The following CYREN variants were observed in gnomAD, a reference collection of about 807,000 sequenced individuals.
CYREN encodes cell cycle regulator of non-homologous end joining.
In CYREN, 7 loss-of-function variants were observed where a neutral mutation model predicts 9.7. The ratio of observed to expected loss-of-function variants is 0.72; its 90% CI spans 0.41 to 1.36. The LOEUF (loss-of-function observed/expected upper bound fraction) is 1.36. Among genes scored for constraint, CYREN ranks in the 40% most tolerant of loss-of-function variants. CYREN has a pLI of 0.01. For missense variants in CYREN, 215 were observed against 198.1 expected (o/e 1.09, Z -0.51); for synonymous variants, 76 against 77.9 (o/e 0.98, Z 0.13).
chr7:135,130,627 T>A (rs1828606847), intron 2 of CYREN, among the ~76,000 whole-genome samples: 1 of 151,922 alleles, frequency 6.6e-6, no homozygotes, highest in African/African-American at 2.4e-5. Context: ...TATAATCATA[T>A]TATTCATATA....
intron 2 of CYREN, chr7:135,152,908 C>T (rs1829698497): frequency 6.6e-6 from 1 of 152,086 alleles, no homozygotes; most frequent in Non-Finnish European, 1.5e-5. Context: ...TGGTGGTGCC[C>T]GATGGGGAAG....
At chr7:135,122,185 G>A (rs1827232086) in intron 2 of CYREN, among the ~76,000 whole-genome samples, 1 of 152,184 alleles carries the variant, frequency 6.6e-6, no homozygotes, top group Non-Finnish European at 1.5e-5. Context: ...TCCAGGCTGT[G>A]CTTTTCCTCT....
chr7:135,123,306 C>T (rs564908439), intron 2 of CYREN, among the ~76,000 whole-genome samples: 1 of 152,142 alleles, frequency 6.6e-6, no homozygotes, highest in South Asian at 2.1e-4. Context: ...AGTTTGAAGA[C>T]AACCTTGCTG....
chr7:135,164,966 T>A, downstream of CYREN: 1 of 1,604,118 alleles, frequency 6.2e-7, no homozygotes, highest in Non-Finnish European at 8.5e-7. Flanking sequence ...CTCTGAGGGC[T>A]GAGAGGGCTG....
downstream of CYREN, chr7:135,164,998 A>G: frequency 6.3e-7 from 1 of 1,582,000 alleles, no homozygotes; most frequent in South Asian, 1.1e-5. Context: ...GAGAGCTGCT[A>G]AAGGCTTACG....
At chr7:135,136,942 T>A (rs571961242) in intron 2 of CYREN, among the ~76,000 whole-genome samples, 2 of 152,186 alleles carry the variant, frequency 1.3e-5, no homozygotes, top group South Asian at 4.1e-4. Context: ...GTAAGAGGAT[T>A]GGCAGTCCAC....
chr7:135,164,600 C>T, downstream of CYREN: 2 of 1,614,248 alleles, frequency 1.2e-6, no homozygotes, highest in Non-Finnish European at 1.7e-6. Flanking sequence ...ATAACTTCTG[C>T]CTGTGGAATG....
At chr7:135,162,212 C>T (rs1829959565), downstream of CYREN, among the ~76,000 whole-genome samples, 1 of 152,168 alleles carries the variant, frequency 6.6e-6, no homozygotes, top group African/African-American at 2.4e-5. Flanking sequence ...GGAGCTGTTC[C>T]CCCAGAGGGG....
intron 2 of CYREN, among the ~76,000 whole-genome samples, chr7:135,137,521 CA>C (rs1829373726): frequency 6.6e-6 from 1 of 151,808 alleles, no homozygotes; most frequent in Admixed American, 6.6e-5. Context: ...CACCAAACCA[CA>C]GATCCAGAAA....
intron 2 of CYREN, among the ~76,000 whole-genome samples, chr7:135,155,519 T>G (rs1173088041): frequency 1.3e-5 from 2 of 152,234 alleles, no homozygotes; most frequent in African/African-American, 2.4e-5. Flanking sequence ...CTTCTGTATG[T>G]TTTTGTGATG....
chr7:135,139,714 T>A (rs545217889), intron 2 of CYREN, among the ~76,000 whole-genome samples: 1 of 152,288 alleles, frequency 6.6e-6, no homozygotes, highest in East Asian at 1.9e-4. Context: ...GGTTTTACAT[T>A]TAAGTCTTTA....
downstream of CYREN, chr7:135,164,584 G>A (rs1176200203): frequency 1.2e-6 from 2 of 1,614,112 alleles, no homozygotes; most frequent in Non-Finnish European, 1.7e-6. Flanking sequence ...CTGAGAATCG[G>A]CTTCTATAAC....
Position 135,166,884 on chromosome 7 carries a change from G to C in CYREN, c.214-13C>G. On this transcript the variant is annotated splice_polypyrimidine_tract_variant and intron_variant, in intron 3 of 3. Transcript: ENST00000393114. The stretch of plus-strand genomic sequence containing the variant: ...CCTGTTTGCGGCTCTGTGGAGTACG[G>C]GAAAACGCAGGCTCAACATACGTGT... 2.5e-6 allele frequency: 4 copies of C among 1,608,786 alleles called. No homozygotes were observed. Among genetic ancestry groups the C allele is most frequent in the Non-Finnish European group, 3.4e-6 (4 of 1,176,054 alleles).
downstream of CYREN, among the ~76,000 whole-genome samples, chr7:135,161,883 G>A (rs563785974): frequency 9.8e-4 from 149 of 152,276 alleles, 1 homozygote; most frequent in African/African-American, 3.4e-3. This position sits in a 1 kb window ranked among gnomAD's most constrained non-coding sequence, Gnocchi z 4.1. Context: ...CAGAAGCCAC[G>A]GGCAGAACTG....
chr7:135,116,579 T>G (rs1048422458), intron 2 of CYREN, among the ~76,000 whole-genome samples: 2 of 152,146 alleles, frequency 1.3e-5, no homozygotes, highest in Non-Finnish European at 2.9e-5. Flanking sequence ...GGCTCCCCAT[T>G]TGGTTTCCAA....
At position 135,166,740 on chromosome 7, in the gene CYREN, T is replaced by C. The variant is rs747354079; in HGVS notation, c.345A>G (p.Lys115=). 1.2e-6 allele frequency: 2 copies of C among 1,613,998 alleles called. No homozygotes were observed. The highest frequency in any genetic ancestry group is 1.1e-5 in the South Asian group (1 of 91,088). ...GGCTGAGGCCTGGAGCCAGTGCCTGTTTCCCACTGTCCTCTTCCTCACTGC... is the reference window on the plus strand; with the variant it reads ...GGCTGAGGCCTGGAGCCAGTGCCTGCTTCCCACTGTCCTCTTCCTCACTGC... ...GSSSEEEDSG[K]QALAPGLSPS... The change falls in exon 4 of 4, where the codon AAA becomes AAG. Residue 115 remains lysine, a synonymous_variant. Transcript: ENST00000393114.
intron 2 of CYREN, among the ~76,000 whole-genome samples, chr7:135,097,691 TA>T (rs1167822222): frequency 6.6e-6 from 1 of 152,218 alleles, no homozygotes; most frequent in African/African-American, 2.4e-5. Flanking sequence ...CCTGAAAACA[TA>T]CAGAAGCACT....
Position 135,166,683 on chromosome 7 carries a change from GGC to G in CYREN, c.400_401del (p.Ala134LeufsTer2). 6.2e-7 allele frequency: 1 copy of G among 1,611,862 alleles called. No homozygotes were observed. Among genetic ancestry groups the G allele is most frequent in the Non-Finnish European group, 8.5e-7 (1 of 1,180,004 alleles). ...PSQRPGGSSS[A>X]CSRSPEEEEE... ...CCTCCTCCTCAGGGCTCCTGCTACA[GGC>G]AGAGCTGGAACCCCCCGGCCTCTGG... On this transcript the variant is annotated frameshift_variant, in exon 4 of 4. Coordinates refer to ENST00000393114, the MANE Select transcript of CYREN (RefSeq NM_024033.4). LOFTEE classifies it high-confidence loss of function.
intron 2 of CYREN, among the ~76,000 whole-genome samples, chr7:135,098,945 A>C (rs1823341994): frequency 6.6e-6 from 1 of 152,186 alleles, no homozygotes; most frequent in Non-Finnish European, 1.5e-5. Context: ...AGAGGAGAGA[A>C]ACATTATAAA....
Sources: gnomAD v4.1 joint callset for allele counts (sites outside exome capture counted in the v4.1 genomes callset) on GRCh38, gnomAD v4.1.1 for gene constraint, Gnocchi (gnomAD v3.1) non-coding constraint, MANE v1.5 for transcripts, NCBI Gene and HGNC (gene_info 2026-07-23, HGNC 2026-07-21) for gene names.